The following RAB3GAP1 variants were observed in gnomAD, a reference collection of about 807,000 sequenced individuals.
RAB3GAP1 encodes the protein RAB3 GTPase activating protein catalytic subunit 1, also known as rab3 GTPase-activating protein catalytic subunit.
In RAB3GAP1, 86 loss-of-function variants were observed where a neutral mutation model predicts 130.7. That is an observed-to-expected ratio of 0.66 (90% CI 0.55 to 0.79). RAB3GAP1 has a LOEUF of 0.79. RAB3GAP1 is among the 30% of genes least tolerant of loss of function. RAB3GAP1 has a pLI of 0.00. For synonymous variants in RAB3GAP1, 367 were observed against 401.7 expected (o/e 0.91, Z 1.03); for missense variants, 1,029 against 1,169.4 (o/e 0.88, Z 1.75).
intron 9 of RAB3GAP1, among the ~76,000 whole-genome samples, chr2:135,124,625 A>G (rs1263311170): frequency 2.6e-5 from 4 of 152,188 alleles, no homozygotes; most frequent in Non-Finnish European, 4.4e-5. Context: ...AGATCACGCC[A>G]TTGCACTCCA....
intron 3 of RAB3GAP1, chr2:135,058,971 C>G (rs1347549181): frequency 6.6e-6 from 1 of 151,960 alleles, no homozygotes; most frequent in Non-Finnish European, 1.5e-5. Context: ...TAGGGGTTTT[C>G]AGCTTTGTGA....
In RAB3GAP1 at chr2:135,164,627, G is replaced by T. The variant is rs766122318; in HGVS notation, c.2640G>T (p.Val880=). 9 of 1,613,338 alleles carry T rather than the reference G, an allele frequency of 5.6e-6. No individual in the cohort carries two copies. The African/African-American group carries it at 1.2e-4, about 22-fold the overall frequency. ...GTTGCCTGCTGGAGCAGCCTGAAGT[G>T]TTAGTCACCGGTGCAGGAAGAGGAC... The part of the protein sequence containing the change: ...FVSCLLEQPE[V]LVTGAGRGHA... Residue 880 remains valine (V), a synonymous_variant, in exon 23 of 24, where the codon GTG becomes GTT. Transcript: ENST00000264158.
intron 19 of RAB3GAP1, among the ~76,000 whole-genome samples, chr2:135,157,653 G>A (rs1020954861): frequency 9.9e-5 from 15 of 152,088 alleles, no homozygotes; most frequent in Middle Eastern, 3.4e-3. Flanking sequence ...CTAATGTGGT[G>A]AAACCCCATC....
At chr2:135,121,205 T>G (rs1691190048) in intron 8 of RAB3GAP1, among the ~76,000 whole-genome samples, 1 of 152,178 alleles carries the variant, frequency 6.6e-6, no homozygotes, top group South Asian at 2.1e-4. Flanking sequence ...TAAATTACTA[T>G]GTAGCGAATG....
chr2:135,098,753 T>A (rs913380265), intron 5 of RAB3GAP1, among the ~76,000 whole-genome samples: 4 of 152,232 alleles, frequency 2.6e-5, no homozygotes, highest in Non-Finnish European at 4.4e-5. Flanking sequence ...GTAAATGTTA[T>A]ATATTATGTT....
Position 135,164,637 on chromosome 2 carries a change from G to A in RAB3GAP1, c.2650G>A (p.Gly884Ser), listed in dbSNP as rs753135935. 16 of 1,613,442 alleles carry A rather than the reference G, an allele frequency of 9.9e-6. No individual in the cohort carries two copies. Among genetic ancestry groups the A allele is most frequent in the South Asian group, 8.8e-5 (8 of 91,020 alleles). ...LLEQPEVLVT[G>S]AGRGHAGRII... is the part of the protein sequence containing the mutation. ...GGAGCAGCCTGAAGTGTTAGTCACC[G>A]GTGCAGGAAGAGGACATGCTGGCAG... The change falls in exon 23 of 24, where the codon GGT becomes AGT. Residue 884 changes from glycine to serine, a missense_variant. Physicochemically the swap from Gly to Ser is moderately conservative, Grantham distance 56 (BLOSUM62 0). This residue lies in a region of RAB3GAP1 where 146 missense variants were observed against 143.7 expected (regional missense o/e 1.02). Transcript: ENST00000264158.
chr2:135,147,167 G>A (rs1692022280), intron 17 of RAB3GAP1, among the ~76,000 whole-genome samples: 2 of 152,062 alleles, frequency 1.3e-5, no homozygotes, highest in East Asian at 1.9e-4. Context: ...CCACCATGAC[G>A]AAACCCTGTC....
chr2:135,111,319 C>T (rs1336280662), intron 5 of RAB3GAP1, among the ~76,000 whole-genome samples: 1 of 151,768 alleles, frequency 6.6e-6, no homozygotes, highest in African/African-American at 2.4e-5. Flanking sequence ...AATATAAATA[C>T]ATTAAAGAGT....
chr2:135,081,306 CAA>C (rs1169138978), intron 3 of RAB3GAP1, among the ~76,000 whole-genome samples: 221 of 13,138 alleles, frequency 0.017, 1 homozygote, highest in South Asian at 0.046. Flanking sequence ...GACTCCGTCT[CAA>C]AAAAAAAAAA....
At chr2:135,144,041 T>C (rs1278588446) in intron 17 of RAB3GAP1, among the ~76,000 whole-genome samples, 1 of 152,190 alleles carries the variant, frequency 6.6e-6, no homozygotes. Flanking sequence ...TGCCCAGGCC[T>C]CACTCAGCCC....
intron 3 of RAB3GAP1, among the ~76,000 whole-genome samples, chr2:135,063,717 C>T (rs1689241007): frequency 1.3e-5 from 2 of 152,216 alleles, no homozygotes; most frequent in Non-Finnish European, 2.9e-5. Context: ...TTTATCTGTT[C>T]ATCTGTTGAT....
At chr2:135,100,586 A>G (rs1378130083) in intron 5 of RAB3GAP1, among the ~76,000 whole-genome samples, 2 of 152,248 alleles carry the variant, frequency 1.3e-5, no homozygotes, top group Non-Finnish European at 2.9e-5. Context: ...AGTCACTTTC[A>G]GTTTTGTCTT....
intron 3 of RAB3GAP1, among the ~76,000 whole-genome samples, chr2:135,062,205 C>T (rs1022687859): frequency 5.9e-5 from 9 of 152,136 alleles, no homozygotes; most frequent in Admixed American, 2.6e-4. Flanking sequence ...TGAGGCACTG[C>T]GCCCGTCGTA....
chr2:135,088,767 T>C (rs915031923), intron 3 of RAB3GAP1, among the ~76,000 whole-genome samples: 11 of 152,018 alleles, frequency 7.2e-5, no homozygotes, highest in Non-Finnish European at 1.2e-4. Flanking sequence ...TTGTTTTTTC[T>C]TGTAAATTTG....
downstream of RAB3GAP1, among the ~76,000 whole-genome samples, chr2:135,173,533 C>A (rs1692917897): frequency 6.6e-6 from 1 of 152,080 alleles, no homozygotes. Context: ...TGCAGAGGAG[C>A]AAATGCATTC....
At chr2:135,138,409 C>T (rs1200594617) in intron 17 of RAB3GAP1, among the ~76,000 whole-genome samples, 1 of 151,818 alleles carries the variant, frequency 6.6e-6, no homozygotes, top group African/African-American at 2.4e-5. Context: ...ATGATTGTGT[C>T]ACTGTTCTCC....
At chr2:135,172,645 A>G (rs1288148012), downstream of RAB3GAP1, among the ~76,000 whole-genome samples, 1 of 152,236 alleles carries the variant, frequency 6.6e-6, no homozygotes. Context: ...CTGAGAGTCA[A>G]GGATGACTTG....
intron 7 of RAB3GAP1, among the ~76,000 whole-genome samples, chr2:135,119,990 T>C (rs1011802951): frequency 2.6e-5 from 4 of 152,218 alleles, no homozygotes; most frequent in African/African-American, 9.6e-5. Context: ...GTTAGCTGAT[T>C]CATTAATCTA....
intron 17 of RAB3GAP1, among the ~76,000 whole-genome samples, chr2:135,149,219 G>T (rs1692094276): frequency 6.6e-6 from 1 of 152,198 alleles, no homozygotes; most frequent in Non-Finnish European, 1.5e-5. Context: ...TAGAAAGAAT[G>T]AAGGCCTCTG....
Sources: gnomAD v4.1 joint callset for allele counts (sites outside exome capture counted in the v4.1 genomes callset) on GRCh38, gnomAD v4.1.1 for gene constraint, gnomAD v4.1.1 regional missense constraint, MANE v1.5 for transcripts, NCBI Gene and HGNC (gene_info 2026-07-23, HGNC 2026-07-21) for gene names.